Variants in R3HCC1L observed in about 807,000 individuals in gnomAD.
R3HCC1L encodes coiled-coil domain-containing protein R3HCC1L.
Under a neutral mutation model 59.9 loss-of-function variants are expected in R3HCC1L, and 51 were observed. That is an observed-to-expected ratio of 0.85 (90% CI 0.68 to 1.07). R3HCC1L has a LOEUF of 1.07. Among genes scored for constraint, R3HCC1L ranks in the 50% least tolerant of loss-of-function variants. R3HCC1L has a pLI of 0.00. For synonymous variants in R3HCC1L, 322 were observed against 315.2 expected (o/e 1.02, Z -0.23); for missense variants, 965 against 933.0 (o/e 1.03, Z -0.45).
At chr10:98,188,755 T>G (rs937885296) in intron 4 of R3HCC1L, among the ~76,000 whole-genome samples, 2 of 152,216 alleles carry the variant, frequency 1.3e-5, no homozygotes, top group Admixed American at 6.5e-5. Context: ...CACACTGATA[T>G]AGTCATATTG....
chr10:98,231,668 C>T lies in R3HCC1L; in HGVS notation c.1942C>T (p.Arg648Trp), dbSNP rs776002563. The T allele has an allele frequency of 9.4e-5, 152 of 1,610,176 alleles. No homozygotes were observed. Among genetic ancestry groups the T allele is most frequent in the Middle Eastern group, 1.7e-4 (1 of 6,058 alleles). The change falls in exon 6 of 10, where the codon CGG becomes TGG. Residue 648 changes from arginine (R) to tryptophan (W), a missense_variant. Physicochemically the swap from Arg to Trp is moderately radical, Grantham distance 101. Transcript: ENST00000298999. ...PQEFHTEDLLRVFCSYQKKGF... is the reference protein window; with the variant it reads ...PQEFHTEDLLWVFCSYQKKGF... ...AGAATTTCATACTGAAGACCTTCTACGGGTTTTCTGCAGTTATCAGTGAGT... is the reference window on the plus strand; with the variant it reads ...AGAATTTCATACTGAAGACCTTCTATGGGTTTTCTGCAGTTATCAGTGAGT...
intron 9 of R3HCC1L, 129 bp from the exon 10 acceptor site, chr10:98,243,962 G>C (rs1187775998): frequency 2.9e-6 from 2 of 681,196 alleles, no homozygotes; most frequent in South Asian, 1.8e-5. Flanking sequence ...ATTAACTCTT[G>C]TTATCAGGTA....
chr10:98,199,327 A>C (rs1390727402), intron 4 of R3HCC1L, among the ~76,000 whole-genome samples: 1 of 152,074 alleles, frequency 6.6e-6, no homozygotes, highest in Admixed American at 6.5e-5. Context: ...TCTTGCTTAC[A>C]GTAATTTTGT....
intron 4 of R3HCC1L, among the ~76,000 whole-genome samples, chr10:98,164,582 A>T (rs905932550): frequency 6.6e-6 from 1 of 151,456 alleles, no homozygotes; most frequent in African/African-American, 2.4e-5. Context: ...TTTTTTTTTT[A>T]AGAAGAAACT....
chr10:98,150,902 G>A (rs1015694739), intron 1 of R3HCC1L, among the ~76,000 whole-genome samples: 1 of 152,138 alleles, frequency 6.6e-6, no homozygotes, highest in Non-Finnish European at 1.5e-5. Context: ...CAGGTCTCCT[G>A]CCAGAGATCC....
intron 2 of R3HCC1L, among the ~76,000 whole-genome samples, chr10:98,158,810 C>CT (rs1297836513): frequency 0.062 from 8,799 of 143,016 alleles, 277 homozygotes; most frequent in Middle Eastern, 0.096. Context: ...ATGACATTGA[C>CT]TTTTTTTTTT....
intron 4 of R3HCC1L, among the ~76,000 whole-genome samples, chr10:98,204,771 A>G (rs952007792): frequency 5.3e-5 from 8 of 152,164 alleles, no homozygotes; most frequent in African/African-American, 1.9e-4. Context: ...CTGTTTTATT[A>G]GTTATTAATC....
intron 2 of R3HCC1L, among the ~76,000 whole-genome samples, chr10:98,157,935 A>C (rs1590454935): frequency 2.0e-5 from 3 of 152,358 alleles, no homozygotes; most frequent in East Asian, 3.9e-4. Flanking sequence ...GAAATGCAGT[A>C]ACTAAGCATA....
intron 1 of R3HCC1L, among the ~76,000 whole-genome samples, chr10:98,143,454 G>GT (rs1364748136): frequency 1.3e-5 from 2 of 152,138 alleles, no homozygotes; most frequent in African/African-American, 2.4e-5. Flanking sequence ...GTAGTTCTTG[G>GT]TTTTTTCCTC....
At chr10:98,218,162 A>C (rs1045499672) in intron 5 of R3HCC1L, among the ~76,000 whole-genome samples, 6 of 152,056 alleles carry the variant, frequency 3.9e-5, no homozygotes, top group African/African-American at 1.4e-4. Flanking sequence ...TATAGCCTTT[A>C]TTATGTTGAG....
intron 4 of R3HCC1L, among the ~76,000 whole-genome samples, chr10:98,172,840 C>T (rs960022148): frequency 6.6e-6 from 1 of 152,262 alleles, no homozygotes; most frequent in African/African-American, 2.4e-5. Flanking sequence ...CAAAATTTGA[C>T]TAAACTTGGG....
At position 98,227,527 on chromosome 10, in the gene R3HCC1L, G is replaced by GAA. The variant is rs1554853415; in HGVS notation, c.1786-3981_1786-3980dup. ...TGATTAACAGAGAGAGAGAGAGAGAGAAAAATATTATCTAAGGATCTGGTG... is the reference window on the plus strand; with the variant it reads ...TGATTAACAGAGAGAGAGAGAGAGAGAAAAAAATATTATCTAAGGATCTGGTG... On this transcript the variant is annotated intron_variant, in intron 5 of 9. Transcript: ENST00000298999. Among the ~76,000 whole-genome samples the GAA allele has an allele frequency of 8.2e-4, 123 of 150,660 alleles. 1 individual carries two copies. The highest frequency in any genetic ancestry group is 2.7e-3 in the South Asian group (13 of 4,760).
intron 4 of R3HCC1L, among the ~76,000 whole-genome samples, chr10:98,168,339 G>T (rs1337897133): frequency 6.6e-6 from 1 of 152,114 alleles, no homozygotes; most frequent in African/African-American, 2.4e-5. Context: ...CTTGTCAGTG[G>T]AGTGTGAAAA....
At position 98,209,472 on chromosome 10, in the gene R3HCC1L, CT is replaced by C. The variant is rs1853270330; in HGVS notation, c.1359del (p.His454IlefsTer9). 1.9e-6 allele frequency: 3 copies of C among 1,613,602 alleles called. No homozygotes were observed. Among genetic ancestry groups the C allele is most frequent in the African/African-American group, 1.3e-5 (1 of 74,930 alleles). Reference sequence around the variant, plus strand: ...GATATTTATGGTGAGAGTATTTCATCTCATTTTACAGAGTCAACAGGAAAGT... The same window carrying C: ...GATATTTATGGTGAGAGTATTTCATCCATTTTACAGAGTCAACAGGAAAGT... ...CSDIYGESIS[S>X]HFTESTGKLI... On this transcript the variant is annotated frameshift_variant, in exon 5 of 10. Transcript: ENST00000298999. LOFTEE classifies it high-confidence loss of function.
At chr10:98,138,684 T>TAA (rs1844831746) in intron 1 of R3HCC1L, among the ~76,000 whole-genome samples, 1 of 152,218 alleles carries the variant, frequency 6.6e-6, no homozygotes, top group South Asian at 2.1e-4. Flanking sequence ...AGGAACATTT[T>TAA]GTTGATTGTC....
chr10:98,216,042 A>G (rs1854160305), intron 5 of R3HCC1L, among the ~76,000 whole-genome samples: 1 of 152,140 alleles, frequency 6.6e-6, no homozygotes, highest in Admixed American at 6.6e-5. Flanking sequence ...TCAAGTCCTA[A>G]GTTTGTCACT....
chr10:98,227,698 A>G (rs1855837606), intron 5 of R3HCC1L, among the ~76,000 whole-genome samples: 1 of 151,822 alleles, frequency 6.6e-6, no homozygotes, highest in Non-Finnish European at 1.5e-5. Context: ...CGTCATTTAC[A>G]TTAGGTATAT....
intron 4 of R3HCC1L, chr10:98,174,404 C>T (rs889717952): frequency 4.1e-5 from 21 of 506,512 alleles, no homozygotes; most frequent in African/African-American, 4.1e-4. Context: ...AATTTAAAAT[C>T]AGTTCTTACA....
At chr10:98,203,970 G>T (rs1852332821) in intron 4 of R3HCC1L, among the ~76,000 whole-genome samples, 1 of 152,136 alleles carries the variant, frequency 6.6e-6, no homozygotes, top group Non-Finnish European at 1.5e-5. Context: ...TGTGATTTTT[G>T]AACAGAGTGC....
Sources: gnomAD v4.1 joint callset for allele counts (sites outside exome capture counted in the v4.1 genomes callset) on GRCh38, gnomAD v4.1.1 for gene constraint, MANE v1.5 for transcripts, NCBI Gene and HGNC (gene_info 2026-07-23, HGNC 2026-07-21) for gene names.